The following ANKRD44 variants were observed in gnomAD, a reference collection of about 807,000 sequenced individuals.
The protein encoded by ANKRD44 is ankyrin repeat domain 44, also known as serine/threonine-protein phosphatase 6 regulatory ankyrin repeat subunit B.
A neutral mutation model predicts 116.0 loss-of-function variants in ANKRD44; 35 were observed. That is an observed-to-expected ratio of 0.30 (90% CI 0.23 to 0.40). The LOEUF (loss-of-function observed/expected upper bound fraction) is 0.40. Among genes scored for constraint, ANKRD44 ranks in the 10% least tolerant of loss-of-function variants. The pLI, the probability that ANKRD44 is intolerant of heterozygous loss-of-function variation, is 1.00. For synonymous variants in ANKRD44, 435 were observed against 461.8 expected, an observed-to-expected ratio of 0.94 and a Z score of 0.74; for missense variants, 1,014 against 1,242.6, an observed-to-expected ratio of 0.82 and a Z score of 2.77.
At chr2:197,264,436 T>A (rs2712870) in intron 1 of ANKRD44, among the ~76,000 whole-genome samples, 1 of 152,154 alleles carries the variant, frequency 6.6e-6, no homozygotes, top group Non-Finnish European at 1.5e-5. Flanking sequence ...GCAGAAAGCA[T>A]CCTGGATTTC....
chr2:197,082,527 T>C (rs1000827187), intron 14 of ANKRD44, among the ~76,000 whole-genome samples: 1 of 152,192 alleles, frequency 6.6e-6, no homozygotes, highest in African/African-American at 2.4e-5. Flanking sequence ...TTATGAAAAC[T>C]TTATTTCCAT....
In ANKRD44 at chr2:196,967,912, A is replaced by ACACT. The variant is rs1553609860; in HGVS notation, c.2369-467_2369-466insAGTG. ...TGGGGTGGATCCCTCATGGCTTGGC[A>ACACT]CTCTCTCTCTCTCTCTCTCTCTCTC... On this transcript the variant is annotated intron_variant, in intron 21 of 21. Coordinates refer to the ANKRD44 transcript ENST00000424317. Among the ~76,000 whole-genome samples, 14 of 140,952 alleles carry ACACT rather than the reference A, an allele frequency of 9.9e-5. No homozygotes were observed. In the South Asian group the frequency reaches 2.9e-3, roughly 29 times the overall value. The allele number at this position is 140,952 out of a possible 152,430, so 92.5% of individuals were successfully genotyped here.
chr2:197,233,810 G>C (rs775155263), intron 1 of ANKRD44, among the ~76,000 whole-genome samples: 7 of 152,234 alleles, frequency 4.6e-5, no homozygotes, highest in Non-Finnish European at 1.0e-4. Flanking sequence ...AAGCTGGGAT[G>C]ATGGAGGGAT....
intron 16 of ANKRD44, among the ~76,000 whole-genome samples, chr2:197,066,405 C>A (rs2077434420): frequency 6.6e-6 from 1 of 152,164 alleles, no homozygotes; most frequent in South Asian, 2.1e-4. Flanking sequence ...TCTCTCACCA[C>A]TCCTATTCAA....
At chr2:197,031,375 A>G in intron 16 of ANKRD44, among the ~76,000 whole-genome samples, 1 of 152,162 alleles carries the variant, frequency 6.6e-6, no homozygotes, top group East Asian at 1.9e-4. Flanking sequence ...GTCTTGCTAC[A>G]TTACCTAGGC....
At chr2:197,068,860 C>G (rs2077499013) in intron 16 of ANKRD44, among the ~76,000 whole-genome samples, 1 of 152,180 alleles carries the variant, frequency 6.6e-6, no homozygotes, top group Non-Finnish European at 1.5e-5. Context: ...GGACTGTAAA[C>G]TAGTTCAACC....
intron 1 of ANKRD44, among the ~76,000 whole-genome samples, chr2:197,187,458 T>C (rs1234825108): frequency 2.0e-5 from 3 of 152,212 alleles, no homozygotes; most frequent in Non-Finnish European, 2.9e-5. Flanking sequence ...ATCCCTGTTA[T>C]GAATTGAATT....
chr2:197,118,637 G>GAGAGAGAGAAAGAAAGAA lies in ANKRD44; in HGVS notation c.906+2694_906+2695insTTCTTTCTTTCTCTCTCT, dbSNP rs773839262. On this transcript the variant is annotated intron_variant, in intron 8 of 27. Transcript: ENST00000282272. ...AGAAAGAGAGAGAGAGAGAGAGAGA[G>GAGAGAGAGAAAGAAAGAA]AGAAAGAAAGAAAGAAAGAAAGAAA... 5.4e-4 allele frequency among the ~76,000 whole-genome samples: 61 copies of GAGAGAGAGAAAGAAAGAA among 112,438 alleles called. No individual in the cohort carries two copies. In the South Asian group the frequency reaches 1.0e-2, roughly 18 times the overall value. 73.8% of individuals were successfully genotyped at this position (112,438 alleles called of 152,430 possible). A position where few individuals can be genotyped will look rare whatever the true frequency, so the allele number is the denominator to read the frequency against.
At position 197,083,498 on chromosome 2, in the gene ANKRD44, T is replaced by G; in HGVS notation, c.1328A>C (p.His443Pro). ...KKDKCGRTPL[H>P]YAAANCHFHC... is the part of the protein sequence containing the mutation. The stretch of plus-strand genomic sequence containing the variant: ...GAAATGACAATTCGCAGCTGCATAG[T>G]GCAAAGGGGTCCTGAAAAACAAACA... The change falls in exon 14 of 28, where the codon CAC becomes CCC. Residue 443 changes from histidine to proline, a missense_variant. By Grantham distance (77) the His-to-Pro change is moderately conservative (BLOSUM62 -2). Coordinates refer to ENST00000282272, the MANE Select transcript of ANKRD44 (RefSeq NM_001195144.2). The G allele has an allele frequency of 6.2e-7, 1 of 1,611,388 alleles. No homozygotes were observed. Among genetic ancestry groups the G allele is most frequent in the Non-Finnish European group, 8.5e-7 (1 of 1,178,640 alleles).
chr2:196,991,027 G>A, intron 27 of ANKRD44: 1 of 1,043,480 alleles, frequency 9.6e-7, no homozygotes, highest in Non-Finnish European at 1.2e-6. Context: ...AGGCGGAGAT[G>A]TATGTTGAGT....
intron 3 of ANKRD44, among the ~76,000 whole-genome samples, chr2:197,143,965 C>T (rs1192008453): frequency 2.0e-5 from 3 of 152,098 alleles, no homozygotes; most frequent in Non-Finnish European, 2.9e-5. Flanking sequence ...TTTTTCTGTG[C>T]ACTCTGCTTT....
intron 16 of ANKRD44, among the ~76,000 whole-genome samples, chr2:197,027,348 C>T (rs189934760): frequency 7.9e-5 from 12 of 151,986 alleles, no homozygotes; most frequent in African/African-American, 2.7e-4. Context: ...GGCAACAGAG[C>T]CAGACTCTGT....
At chr2:197,069,876 T>C (rs2077522601) in intron 16 of ANKRD44, among the ~76,000 whole-genome samples, 1 of 151,454 alleles carries the variant, frequency 6.6e-6, no homozygotes, top group Non-Finnish European at 1.5e-5. Context: ...AATCCACGCA[T>C]ACAGAATGTC....
At chr2:197,180,570 C>T (rs2080478518) in intron 2 of ANKRD44, among the ~76,000 whole-genome samples, 1 of 152,124 alleles carries the variant, frequency 6.6e-6, no homozygotes, top group Non-Finnish European at 1.5e-5. Flanking sequence ...GCCGGCAAAA[C>T]ATCTCAGTCC....
intron 14 of ANKRD44, among the ~76,000 whole-genome samples, 197 bp from the exon 15 acceptor site, chr2:197,081,922 A>C (rs960816542): frequency 6.6e-6 from 1 of 152,206 alleles, no homozygotes; most frequent in African/African-American, 2.4e-5. Flanking sequence ...CAAGGATCCA[A>C]CTGGAATATG....
chr2:197,242,984 C>T (rs183963220), intron 1 of ANKRD44, among the ~76,000 whole-genome samples: 19 of 152,356 alleles, frequency 1.2e-4, no homozygotes, highest in African/African-American at 4.6e-4. Flanking sequence ...CATTCTGTGA[C>T]TAGCAACTTA....
rs5837532 is a variant in ANKRD44, at chr2:197,235,614, TA to T, written c.28-48509del. On this transcript the variant is annotated intron_variant, in intron 1 of 27. Coordinates refer to ENST00000282272, the MANE Select transcript of ANKRD44 (RefSeq NM_001195144.2). Reference sequence around the variant, plus strand: ...CTGGGTGATAGAGTGAGACTCTGTCTAAAAAAAAAAAAAAAAAAAGTAGTGT... The same window carrying T: ...CTGGGTGATAGAGTGAGACTCTGTCTAAAAAAAAAAAAAAAAAAGTAGTGT... Among the ~76,000 whole-genome samples, 427 of 100,918 alleles carry T rather than the reference TA, an allele frequency of 4.2e-3. 6 individuals are homozygous for T. In the East Asian group the frequency reaches 0.072, roughly 17 times the overall value. 66.2% of individuals were successfully genotyped at this position (100,918 alleles called of 152,430 possible).
At chr2:197,139,966 G>A (rs1449989046) in intron 3 of ANKRD44, among the ~76,000 whole-genome samples, 3 of 149,930 alleles carry the variant, frequency 2.0e-5, no homozygotes, top group Non-Finnish European at 3.0e-5. Context: ...TGCAACATCT[G>A]CCTCCCCAGT....
rs138835001 is a variant in ANKRD44 at position 197,174,144 on chromosome 2, A to G, written c.111+12879T>C. Among the ~76,000 whole-genome samples, 92 of 152,322 alleles carry G rather than the reference A, an allele frequency of 6.0e-4. No homozygotes were observed. In the East Asian group the frequency reaches 0.016, roughly 27 times the overall value. ...GGTTCTCTTGCTATCCCATTTTTCTAAGGTATATGACTTAATAAGTTTTTA... is the reference window on the plus strand; with the variant it reads ...GGTTCTCTTGCTATCCCATTTTTCTGAGGTATATGACTTAATAAGTTTTTA... On this transcript the variant is annotated intron_variant, in intron 2 of 27. Coordinates refer to ENST00000282272, the MANE Select transcript of ANKRD44 (RefSeq NM_001195144.2).
Sources: gnomAD v4.1 joint callset for allele counts (sites outside exome capture counted in the v4.1 genomes callset) on GRCh38, gnomAD v4.1.1 for gene constraint, MANE v1.5 for transcripts, NCBI Gene and HGNC (gene_info 2026-07-23, HGNC 2026-07-21) for gene names.